Variants in SLC25A21 observed in about 807,000 individuals in gnomAD.
The protein encoded by SLC25A21 is solute carrier family 25 member 21.
A neutral mutation model predicts 43.8 loss-of-function variants in SLC25A21; 47 were observed. The ratio of observed to expected loss-of-function variants is 1.07; its 90% CI spans 0.85 to 1.37. The LOEUF (loss-of-function observed/expected upper bound fraction) is 1.37, where lower values mean the gene tolerates loss of function less well. Ranked by LOEUF, SLC25A21 falls within the 40% of genes most tolerant of loss-of-function variation. The pLI, the probability that SLC25A21 is intolerant of heterozygous loss-of-function variation, is 0.00. For missense variants in SLC25A21, 352 were observed against 350.2 expected (o/e 1.00, Z -0.04); for synonymous variants, 131 against 121.3 (o/e 1.08, Z -0.52).
At chr14:36,978,473 T>C (rs1444106711) in intron 1 of SLC25A21, among the ~76,000 whole-genome samples, 3 of 152,192 alleles carry the variant, frequency 2.0e-5, no homozygotes, top group African/African-American at 7.2e-5. Context: ...ATGGCACTGA[T>C]AGACATGCTG....
At chr14:37,119,599 T>C (rs1163597498) in intron 1 of SLC25A21, among the ~76,000 whole-genome samples, 1 of 152,012 alleles carries the variant, frequency 6.6e-6, no homozygotes, top group Non-Finnish European at 1.5e-5. Flanking sequence ...ACTATAAGCA[T>C]AATCAGTTGA....
chr14:36,842,988 C>G (rs1889433492), intron 2 of SLC25A21, among the ~76,000 whole-genome samples: 1 of 152,158 alleles, frequency 6.6e-6, no homozygotes, highest in Non-Finnish European at 1.5e-5. Flanking sequence ...TAGTTAGAGT[C>G]TCATAAGCAG....
intron 6 of SLC25A21, among the ~76,000 whole-genome samples, chr14:36,716,755 C>T (rs1884155250): frequency 6.6e-6 from 1 of 152,092 alleles, no homozygotes; most frequent in Admixed American, 6.6e-5. Context: ...CTCATGAGAT[C>T]ACAGGCAGGA....
chr14:37,142,822 A>G (rs548717472), intron 1 of SLC25A21, among the ~76,000 whole-genome samples: 1 of 152,346 alleles, frequency 6.6e-6, no homozygotes, highest in Admixed American at 6.5e-5. Flanking sequence ...GTAGTATCTG[A>G]GGCAAAGAAC....
intron 4 of SLC25A21, among the ~76,000 whole-genome samples, chr14:36,733,981 A>G (rs1884932546): frequency 6.6e-6 from 1 of 152,230 alleles, no homozygotes; most frequent in South Asian, 2.1e-4. Flanking sequence ...GTTAAGAACC[A>G]GAATAGAGAA....
intron 4 of SLC25A21, among the ~76,000 whole-genome samples, chr14:36,732,677 AT>A (rs1003101095): frequency 2.4e-4 from 36 of 151,990 alleles, no homozygotes; most frequent in South Asian, 6.2e-4. Flanking sequence ...GTCTCTGAAT[AT>A]TTTTTTTCTT....
At chr14:36,988,469 C>T (rs528297935) in intron 1 of SLC25A21, among the ~76,000 whole-genome samples, 1 of 152,204 alleles carries the variant, frequency 6.6e-6, no homozygotes, top group East Asian at 1.9e-4. Context: ...AAAACACCAG[C>T]TTTGGGGAGG....
intron 1 of SLC25A21, among the ~76,000 whole-genome samples, chr14:37,084,170 C>A (rs986430886): frequency 1.3e-5 from 2 of 152,160 alleles, no homozygotes; most frequent in Admixed American, 6.5e-5. Context: ...TCCCTCCCCC[C>A]ACCTTATGTC....
chr14:37,136,605 GC>G (rs1226316016), intron 1 of SLC25A21, among the ~76,000 whole-genome samples: 1 of 152,122 alleles, frequency 6.6e-6, no homozygotes, highest in African/African-American at 2.4e-5. Context: ...ACAAATGTTA[GC>G]TTTATAGCAG....
intron 6 of SLC25A21, among the ~76,000 whole-genome samples, chr14:36,713,116 T>C (rs368109861): frequency 1.4e-4 from 22 of 152,232 alleles, no homozygotes; most frequent in African/African-American, 5.3e-4. Flanking sequence ...CTTTTCTCCA[T>C]CCTCACTCCT....
intron 2 of SLC25A21, among the ~76,000 whole-genome samples, chr14:36,867,150 T>C (rs143458372): frequency 9.8e-4 from 149 of 152,260 alleles, no homozygotes; most frequent in African/African-American, 3.4e-3. Flanking sequence ...GTACAGCTAA[T>C]GGGAACCTTC....
intron 9 of SLC25A21, among the ~76,000 whole-genome samples, 184 bp downstream of exon 9, chr14:36,683,644 C>T (rs1486233435): frequency 6.6e-6 from 1 of 152,160 alleles, no homozygotes; most frequent in Non-Finnish European, 1.5e-5. Flanking sequence ...ACTTAATAAA[C>T]AAAGGTAGAA....
At chr14:36,959,679 C>T (rs950055836) in intron 1 of SLC25A21, among the ~76,000 whole-genome samples, 2 of 152,126 alleles carry the variant, frequency 1.3e-5, no homozygotes, top group Non-Finnish European at 2.9e-5. Context: ...CTCTGAATTT[C>T]CTGAATCTAG....
At chr14:36,766,520 TC>T (rs1268545303) in intron 3 of SLC25A21, among the ~76,000 whole-genome samples, 1 of 152,134 alleles carries the variant, frequency 6.6e-6, no homozygotes, top group African/African-American at 2.4e-5. Flanking sequence ...TCATGCTGGG[TC>T]CCACAACCTT....
chr14:36,856,945 T>C (rs1486365751), intron 2 of SLC25A21, among the ~76,000 whole-genome samples: 2 of 152,246 alleles, frequency 1.3e-5, no homozygotes, highest in Admixed American at 1.3e-4. Context: ...GGAAGCTCAC[T>C]GCTGGTGCAA....
At chr14:36,948,220 A>G (rs181224900) in intron 1 of SLC25A21, among the ~76,000 whole-genome samples, 1 of 152,312 alleles carries the variant, frequency 6.6e-6, no homozygotes, top group Non-Finnish European at 1.5e-5. Context: ...CTATATGTAT[A>G]AAGTCAGTGG....
intron 1 of SLC25A21, among the ~76,000 whole-genome samples, chr14:36,953,929 C>T (rs1959257805): frequency 1.3e-5 from 2 of 152,098 alleles, no homozygotes; most frequent in Admixed American, 1.3e-4. Flanking sequence ...CTTGGTTTTC[C>T]AACTGCCTAC....
chr14:36,757,626 T>C (rs1378473682), intron 3 of SLC25A21, among the ~76,000 whole-genome samples: 1 of 152,234 alleles, frequency 6.6e-6, no homozygotes, highest in African/African-American at 2.4e-5. Context: ...ATAGCTGTCT[T>C]GTATTTCATT....
At chr14:36,960,510 C>G (rs1418611469) in intron 1 of SLC25A21, among the ~76,000 whole-genome samples, 2 of 151,940 alleles carry the variant, frequency 1.3e-5, no homozygotes, top group African/African-American at 4.8e-5. Context: ...TTCTCAAGGA[C>G]GCCTTTTTCA....
Sources: gnomAD v4.1 joint callset for allele counts (sites outside exome capture counted in the v4.1 genomes callset) on GRCh38, gnomAD v4.1.1 for gene constraint, MANE v1.5 for transcripts, NCBI Gene and HGNC (gene_info 2026-07-23, HGNC 2026-07-21) for gene names.